Variants in ANKS1B observed in about 807,000 individuals in gnomAD.
ANKS1B encodes ankyrin repeat and sterile alpha motif domain-containing protein 1B.
A neutral mutation model predicts 148.3 loss-of-function variants in ANKS1B; 36 were observed. The observed-to-expected ratio is 0.24, with a 90% CI of 0.19 to 0.32. ANKS1B has a LOEUF of 0.32. Ranked by LOEUF, ANKS1B falls within the 10% of genes least tolerant of loss-of-function variation. The pLI is 1.00. For missense variants in ANKS1B, 1,157 were observed against 1,542.6 expected (o/e 0.75, Z 4.19); for synonymous variants, 542 against 560.8 (o/e 0.97, Z 0.47).
chr12:98,915,066 C>T (rs1034119374), intron 17 of ANKS1B, among the ~76,000 whole-genome samples: 16 of 151,914 alleles, frequency 1.1e-4, no homozygotes, highest in Admixed American at 2.0e-4. Flanking sequence ...AATTATGTTC[C>T]CCCCACCACC....
intron 1 of ANKS1B, among the ~76,000 whole-genome samples, chr12:99,935,270 G>A (rs1253691295): frequency 6.6e-6 from 1 of 151,472 alleles, no homozygotes; most frequent in African/African-American, 2.4e-5. Flanking sequence ...CCACAAAGTT[G>A]GGAAGGGATG....
chr12:99,794,744 C>T (rs756249039), intron 4 of ANKS1B, among the ~76,000 whole-genome samples: 4 of 151,372 alleles, frequency 2.6e-5, no homozygotes, highest in Non-Finnish European at 5.9e-5. Flanking sequence ...ATGGTTAAAG[C>T]GTACAAAAAA....
intron 9 of ANKS1B, among the ~76,000 whole-genome samples, chr12:99,551,985 T>A (rs1446616077): frequency 6.6e-6 from 1 of 152,144 alleles, no homozygotes; most frequent in Non-Finnish European, 1.5e-5. Flanking sequence ...CAATCATATA[T>A]GTACAGTTCC....
intron 2 of ANKS1B, among the ~76,000 whole-genome samples, chr12:99,813,231 T>G (rs1050161818): frequency 3.3e-5 from 5 of 151,620 alleles, no homozygotes; most frequent in African/African-American, 9.7e-5. Context: ...TAGAAAGAAT[T>G]AATTAATAAT....
intron 8 of ANKS1B, among the ~76,000 whole-genome samples, chr12:99,694,200 C>G (rs573642673): frequency 6.6e-6 from 1 of 150,808 alleles, no homozygotes; most frequent in African/African-American, 2.4e-5. Flanking sequence ...CTTTGGGAGG[C>G]TGAGGTGGGC....
intron 8 of ANKS1B, among the ~76,000 whole-genome samples, chr12:99,683,317 A>T (rs1599610881): frequency 6.6e-6 from 1 of 152,218 alleles, no homozygotes; most frequent in Admixed American, 6.5e-5. Context: ...ATATCACAGA[A>T]ATAGAAAAGA....
intron 9 of ANKS1B, among the ~76,000 whole-genome samples, chr12:99,608,366 TC>T (rs1359689024): frequency 6.6e-6 from 1 of 152,034 alleles, no homozygotes; most frequent in Admixed American, 6.6e-5. Context: ...TCTGACCCAG[TC>T]AAACACCTGA....
intron 9 of ANKS1B, among the ~76,000 whole-genome samples, chr12:99,573,401 T>C (rs1597348276): frequency 6.6e-6 from 1 of 152,122 alleles, no homozygotes; most frequent in Admixed American, 6.6e-5. Flanking sequence ...ATTATCTTAA[T>C]TGGATTTAGG....
chr12:99,937,406 C>T (rs1313319353), intron 1 of ANKS1B, among the ~76,000 whole-genome samples: 3 of 152,164 alleles, frequency 2.0e-5, no homozygotes, highest in South Asian at 2.1e-4. Context: ...AATATTTCTA[C>T]AATGTTGAAT....
intron 10 of ANKS1B, among the ~76,000 whole-genome samples, chr12:99,451,511 T>C (rs2095735975): frequency 6.6e-6 from 1 of 152,100 alleles, no homozygotes; most frequent in Admixed American, 6.6e-5. Context: ...AAGAAATGGC[T>C]GGGAAGGGCG....
chr12:99,137,363 C>T (rs1053370295), intron 15 of ANKS1B, among the ~76,000 whole-genome samples: 2 of 152,098 alleles, frequency 1.3e-5, no homozygotes, highest in Non-Finnish European at 2.9e-5. Context: ...CAACGATTAC[C>T]CAGTCAGTCA....
intron 17 of ANKS1B, among the ~76,000 whole-genome samples, chr12:98,871,498 A>G (rs567837930): frequency 6.6e-6 from 1 of 152,340 alleles, no homozygotes; most frequent in South Asian, 2.1e-4. Flanking sequence ...TCACAAAGAA[A>G]TCAGTGGTTC....
chr12:99,850,071 G>C (rs1449491743), intron 1 of ANKS1B, among the ~76,000 whole-genome samples: 1 of 152,114 alleles, frequency 6.6e-6, no homozygotes, highest in Non-Finnish European at 1.5e-5. Flanking sequence ...TAGGGAGCAT[G>C]TTATTCAGCA....
chr12:99,399,625 C>A lies in ANKS1B; in HGVS notation c.1756+6G>T. On this transcript the variant is annotated splice_donor_region_variant and intron_variant, in intron 12 of 26. Transcript: ENST00000683438. ...AAATACAGCTGCATAAAGTGAACTG[C>A]TTTACCTGTATGGTTAGTTCCCTCA... 2 of 1,612,798 alleles carry A rather than the reference C, an allele frequency of 1.2e-6. No homozygotes were observed. The highest frequency in any genetic ancestry group is 1.7e-6 in the Non-Finnish European group (2 of 1,179,122).
intron 11 of ANKS1B, among the ~76,000 whole-genome samples, chr12:99,413,755 C>T (rs899254048): frequency 5.9e-5 from 9 of 152,092 alleles, no homozygotes; most frequent in African/African-American, 2.2e-4. Flanking sequence ...AATTATAAAA[C>T]AGACTGTAGG....
At chr12:98,938,499 G>A (rs547904992) in intron 17 of ANKS1B, among the ~76,000 whole-genome samples, 56 of 152,280 alleles carry the variant, frequency 3.7e-4, no homozygotes, top group African/African-American at 1.3e-3. Context: ...GTGCAGGCAG[G>A]GCTGAGAACC....
At chr12:98,892,869 A>G (rs776640218) in intron 17 of ANKS1B, among the ~76,000 whole-genome samples, 2 of 152,148 alleles carry the variant, frequency 1.3e-5, no homozygotes, top group Admixed American at 1.3e-4. Flanking sequence ...ACATGAATCT[A>G]TTGTCACTCT....
At chr12:99,392,417 G>GT (rs2094106614) in intron 12 of ANKS1B, among the ~76,000 whole-genome samples, 1 of 152,176 alleles carries the variant, frequency 6.6e-6, no homozygotes, top group Non-Finnish European at 1.5e-5. Flanking sequence ...ACAGGCTTTT[G>GT]TTTTTGTTAT....
chr12:99,961,785 T>C (rs2095415389), intron 1 of ANKS1B, among the ~76,000 whole-genome samples: 1 of 152,172 alleles, frequency 6.6e-6, no homozygotes, highest in Non-Finnish European at 1.5e-5. Flanking sequence ...TTTTTAAAGG[T>C]AATCCAGGAA....
Sources: gnomAD v4.1 joint callset for allele counts (sites outside exome capture counted in the v4.1 genomes callset) on GRCh38, gnomAD v4.1.1 for gene constraint, MANE v1.5 for transcripts, NCBI Gene and HGNC (gene_info 2026-07-23, HGNC 2026-07-21) for gene names.